Variants in ATP10B observed in about 807,000 individuals in gnomAD.
ATP10B encodes the protein phospholipid-transporting ATPase VB.
A neutral mutation model predicts 141.2 loss-of-function variants in ATP10B; 122 were observed. That is an observed-to-expected ratio of 0.86 (90% confidence interval 0.75 to 1.00). The LOEUF is 1.00. Ranked by LOEUF, ATP10B falls within the 50% of genes least tolerant of loss-of-function variation. The probability of loss-of-function intolerance (pLI) is 0.00; values close to 1 mark genes in which losing one functional copy is unlikely to be tolerated. For synonymous variants in ATP10B, 685 were observed against 692.0 expected (o/e 0.99, Z 0.16); for missense variants, 1,876 against 1,825.3 (o/e 1.03, Z -0.51).
intron 1 of ATP10B, among the ~76,000 whole-genome samples, chr5:160,843,023 T>C (rs1329772389): frequency 6.6e-6 from 1 of 152,156 alleles, no homozygotes; most frequent in Non-Finnish European, 1.5e-5. Context: ...AAGTATATTA[T>C]AGGTCAATCT....
At chr5:160,799,286 G>A (rs1476100724) in intron 1 of ATP10B, among the ~76,000 whole-genome samples, 1 of 152,182 alleles carries the variant, frequency 6.6e-6, no homozygotes, top group Admixed American at 6.5e-5. Flanking sequence ...GTGGCACACT[G>A]GGAGATTAGT....
rs756076021 is a variant in ATP10B at position 160,598,915 on chromosome 5, G to A, written c.3419C>T (p.Thr1140Ile). The A allele has an allele frequency of 6.2e-7, 1 of 1,614,160 alleles. No homozygotes were observed. Among genetic ancestry groups the A allele is most frequent in the East Asian group, 2.2e-5 (1 of 44,888 alleles). Residue 1140 changes from threonine to isoleucine, a missense_variant, in exon 22 of 26, where the codon ACC becomes ATC. Transcript: ENST00000327245. ...TATCATCTGCCAGTAATCAATCATG[G>A]TGGAGCTGGAGAAACCACAGAAGAA... ...YQFFCGFSSS[T>I]MIDYWQMIFF...
intron 7 of ATP10B, among the ~76,000 whole-genome samples, chr5:160,662,807 A>C (rs1269407926): frequency 2.6e-5 from 4 of 152,352 alleles, no homozygotes; most frequent in South Asian, 2.1e-4. Flanking sequence ...GGATCTAATT[A>C]AACTAAAGAG....
chr5:160,680,113 A>T (rs1461417086), intron 6 of ATP10B, among the ~76,000 whole-genome samples: 1 of 152,168 alleles, frequency 6.6e-6, no homozygotes, highest in Admixed American at 6.5e-5. Context: ...TCCTCACAGT[A>T]TAAACAAGTC....
At chr5:160,725,071 T>C (rs1354176367) in intron 2 of ATP10B, among the ~76,000 whole-genome samples, 1 of 152,212 alleles carries the variant, frequency 6.6e-6, no homozygotes, top group Non-Finnish European at 1.5e-5. Context: ...GTTGAATTAA[T>C]GAATTACGGA....
At chr5:160,885,316 C>A in the ATP10B span, among the ~76,000 whole-genome samples, 1 of 152,266 alleles carries the variant, frequency 6.6e-6, no homozygotes, top group Middle Eastern at 3.4e-3. Context: ...AAGGCAGCAC[C>A]CTGCATGGCC....
chr5:160,739,670 T>C (rs561636078), intron 2 of ATP10B, among the ~76,000 whole-genome samples: 3 of 152,252 alleles, frequency 2.0e-5, no homozygotes, highest in East Asian at 1.9e-4. Flanking sequence ...GGAGGGAACA[T>C]AGGTGAGAGA....
At chr5:160,835,651 C>A (rs1775379247) in intron 1 of ATP10B, among the ~76,000 whole-genome samples, 1 of 152,066 alleles carries the variant, frequency 6.6e-6, no homozygotes, top group Non-Finnish European at 1.5e-5. Flanking sequence ...GAGACTTTTC[C>A]TTTTCCTGAT....
At chr5:160,767,685 T>C (rs1325489182) in intron 2 of ATP10B, among the ~76,000 whole-genome samples, 1 of 136,264 alleles carries the variant, frequency 7.3e-6, no homozygotes. Context: ...GGTCCTCAAA[T>C]TATTTGAACT....
rs184520459 is a variant in ATP10B at position 160,597,177 on chromosome 5, G to A, written c.3564+1593C>T. ...AGGCTACAGTAACCAAAACAGCATG[G>A]TACTGGTACCAAAACAGAGATATAG... On this transcript the variant is annotated intron_variant, in intron 22 of 25. Transcript: ENST00000327245. Among the ~76,000 whole-genome samples the A allele has an allele frequency of 1.9e-4, 29 of 152,264 alleles. 1 individual carries two copies. The East Asian group carries it at 5.6e-3, about 29-fold the overall frequency.
chr5:160,632,045 A>T, intron 13 of ATP10B, 84 bp downstream of exon 13: 2 of 1,305,166 alleles, frequency 1.5e-6, no homozygotes, highest in Non-Finnish European at 2.1e-6. Flanking sequence ...GGGTTTGTAC[A>T]ATTTTTTCTT....
At chr5:160,662,675 T>A (rs1329477196) in intron 7 of ATP10B, among the ~76,000 whole-genome samples, 1 of 152,014 alleles carries the variant, frequency 6.6e-6, no homozygotes, top group Non-Finnish European at 1.5e-5. Context: ...AAATGTTAGA[T>A]CTAAAACCAT....
At chr5:160,787,454 G>T (rs748364366) in intron 1 of ATP10B, among the ~76,000 whole-genome samples, 1 of 152,152 alleles carries the variant, frequency 6.6e-6, no homozygotes, top group Non-Finnish European at 1.5e-5. Context: ...TTGCCCTCCA[G>T]TGGCCGTGTC....
At chr5:160,842,893 T>C (rs1775895560) in intron 1 of ATP10B, among the ~76,000 whole-genome samples, 1 of 152,104 alleles carries the variant, frequency 6.6e-6, no homozygotes, top group African/African-American at 2.4e-5. Flanking sequence ...ATCAATCTTA[T>C]ACAAGTTGTT....
At position 160,606,832 on chromosome 5, in the gene ATP10B, C is replaced by T. The variant is rs774786451; in HGVS notation, c.3093G>A (p.Thr1031=). ...YCRSVLCCRS[T]PLQKSMIVKL... ...TGACTATCATACTCTTCTGGAGTGG[C>T]GTGGAGCGGCAGCACAGGACGGACC... Residue 1031 remains threonine, a synonymous_variant, in exon 19 of 26, where the codon ACG becomes ACA. Transcript: ENST00000327245. 6.2e-6 allele frequency: 10 copies of T among 1,613,994 alleles called. No individual in the cohort carries two copies. The highest frequency in any genetic ancestry group is 3.3e-5 in the Admixed American group (2 of 59,992).
At chr5:160,783,262 T>C (rs1032966421) in intron 2 of ATP10B, among the ~76,000 whole-genome samples, 2 of 151,696 alleles carry the variant, frequency 1.3e-5, no homozygotes, top group Admixed American at 6.6e-5. Flanking sequence ...AGTGAGAACA[T>C]ACGACGTTTG....
At chr5:160,742,589 C>T (rs1767553336) in intron 2 of ATP10B, among the ~76,000 whole-genome samples, 1 of 152,128 alleles carries the variant, frequency 6.6e-6, no homozygotes, top group Admixed American at 6.5e-5. Flanking sequence ...TAGGTATTGT[C>T]AAAGAAACAC....
chr5:160,902,024 T>C, the ATP10B span, among the ~76,000 whole-genome samples: 1 of 152,186 alleles, frequency 6.6e-6, no homozygotes, highest in East Asian at 1.9e-4. Context: ...CTCTCATCTG[T>C]TGGGTACCTT....
intron 24 of ATP10B, among the ~76,000 whole-genome samples, chr5:160,580,727 G>A (rs1755491365): frequency 6.6e-6 from 1 of 152,202 alleles, no homozygotes; most frequent in Non-Finnish European, 1.5e-5. Flanking sequence ...AGTTTCAGAA[G>A]AAATGATATC....
Sources: gnomAD v4.1 joint callset for allele counts (sites outside exome capture counted in the v4.1 genomes callset) on GRCh38, gnomAD v4.1.1 for gene constraint, MANE v1.5 for transcripts, NCBI Gene and HGNC (gene_info 2026-07-23, HGNC 2026-07-21) for gene names.